FSTL5: variants seen among roughly 807,000 people sequenced by gnomAD.
FSTL5 encodes follistatin-related protein 5.
FSTL5 carries 62 observed loss-of-function variants against 89.1 expected under a neutral mutation model. The observed-to-expected ratio is 0.70, with a 90% confidence interval of 0.57 to 0.86. The LOEUF (loss-of-function observed/expected upper bound fraction) is 0.86, where lower values mean the gene tolerates loss of function less well. Ranked by LOEUF, FSTL5 falls within the 40% of genes least tolerant of loss-of-function variation. The pLI, the probability that FSTL5 is intolerant of heterozygous loss-of-function variation, is 0.00. For missense variants in FSTL5, 1,057 were observed against 1,001.6 expected, an observed-to-expected ratio of 1.06 and a Z score of -0.75; for synonymous variants, 383 against 346.2, an observed-to-expected ratio of 1.11 and a Z score of -1.18.
intron 3 of FSTL5, among the ~76,000 whole-genome samples, chr4:162,010,910 C>T (rs1266163522): frequency 1.3e-5 from 2 of 151,940 alleles, no homozygotes; most frequent in Non-Finnish European, 2.9e-5. Context: ...TTATGTACAA[C>T]TTTTTGTGTG....
At chr4:161,898,630 C>CT (rs773799106) in intron 4 of FSTL5, among the ~76,000 whole-genome samples, 32,933 of 128,146 alleles carry the variant, frequency 0.26, 4,867 homozygotes, top group South Asian at 0.33. Context: ...GTATTATATT[C>CT]TTTTTTTTTT....
At chr4:161,473,277 C>T (rs1734012331) in intron 13 of FSTL5, among the ~76,000 whole-genome samples, 1 of 151,924 alleles carries the variant, frequency 6.6e-6, no homozygotes. Flanking sequence ...TGTAGAACTC[C>T]CTATTTCTCA....
intron 12 of FSTL5, among the ~76,000 whole-genome samples, chr4:161,487,239 A>G (rs750229653): frequency 6.6e-6 from 1 of 152,202 alleles, no homozygotes; most frequent in African/African-American, 2.4e-5. Flanking sequence ...AATATCACTT[A>G]TAATAGCCAA....
intron 2 of FSTL5, among the ~76,000 whole-genome samples, chr4:162,050,214 A>G (rs1738334752): frequency 6.6e-6 from 1 of 151,698 alleles, no homozygotes; most frequent in Non-Finnish European, 1.5e-5. Context: ...GTAGAAGAAT[A>G]AATTCACAAA....
chr4:161,855,705 T>C (rs1402055071), intron 4 of FSTL5, among the ~76,000 whole-genome samples: 2 of 152,140 alleles, frequency 1.3e-5, no homozygotes, highest in African/African-American at 4.8e-5. Flanking sequence ...TGGAGTGTAA[T>C]ACAGTGCTAT....
intron 6 of FSTL5, among the ~76,000 whole-genome samples, chr4:161,748,725 AT>A (rs1227564417): frequency 3.3e-5 from 5 of 151,152 alleles, no homozygotes; most frequent in Non-Finnish European, 7.4e-5. Context: ...CTAAAATAAG[AT>A]TATTTTAAAA....
intron 13 of FSTL5, among the ~76,000 whole-genome samples, chr4:161,461,664 TG>T (rs924522543): frequency 6.6e-6 from 1 of 152,050 alleles, no homozygotes; most frequent in African/African-American, 2.4e-5. Context: ...CTGTTAATTG[TG>T]TTAGAATGCC....
chr4:161,542,194 T>C (rs1439290017), intron 9 of FSTL5, among the ~76,000 whole-genome samples: 1 of 152,036 alleles, frequency 6.6e-6, no homozygotes, highest in Non-Finnish European at 1.5e-5. Context: ...AAAAAGTAAC[T>C]TCAGAAATGA....
chr4:162,080,383 A>C (rs941651141), intron 2 of FSTL5, among the ~76,000 whole-genome samples: 1 of 151,510 alleles, frequency 6.6e-6, no homozygotes, highest in African/African-American at 2.4e-5. Flanking sequence ...GGTTTTAAGA[A>C]GGAGTGTTCC....
intron 12 of FSTL5, among the ~76,000 whole-genome samples, chr4:161,493,151 T>C (rs897809851): frequency 1.3e-5 from 2 of 151,760 alleles, no homozygotes; most frequent in Non-Finnish European, 2.9e-5. Context: ...TTAGAAATGT[T>C]GAGAAAAATA....
chr4:161,971,513 C>A (rs1735482526), intron 3 of FSTL5, among the ~76,000 whole-genome samples: 2 of 152,112 alleles, frequency 1.3e-5, no homozygotes, highest in African/African-American at 4.8e-5. Flanking sequence ...TTGAAATTCT[C>A]CCTTCTGAAG....
At chr4:161,980,165 A>C (rs1735779108) in intron 3 of FSTL5, among the ~76,000 whole-genome samples, 1 of 146,608 alleles carries the variant, frequency 6.8e-6, no homozygotes, top group Admixed American at 6.7e-5. Context: ...TAAAGAAAGA[A>C]AGAAAAAGAA....
intron 15 of FSTL5, among the ~76,000 whole-genome samples, chr4:161,439,757 C>A (rs1005273477): frequency 1.8e-4 from 28 of 152,038 alleles, no homozygotes; most frequent in African/African-American, 6.8e-4. Context: ...GTGTGCCTTT[C>A]TGCAAATATA....
At chr4:161,917,538 T>G (rs185252398) in intron 4 of FSTL5, among the ~76,000 whole-genome samples, 2 of 152,302 alleles carry the variant, frequency 1.3e-5, no homozygotes, top group East Asian at 3.9e-4. Context: ...TTGACTTTAA[T>G]ACTATCCCTG....
At chr4:161,836,991 G>T (rs1029718954) in intron 4 of FSTL5, among the ~76,000 whole-genome samples, 4 of 152,074 alleles carry the variant, frequency 2.6e-5, no homozygotes, top group African/African-American at 9.7e-5. Flanking sequence ...AGACATCTAT[G>T]TGCCATCCAA....
chr4:161,666,392 G>C (rs1264653653), intron 6 of FSTL5, among the ~76,000 whole-genome samples: 1 of 152,084 alleles, frequency 6.6e-6, no homozygotes, highest in African/African-American at 2.4e-5. Flanking sequence ...GAGAATAACT[G>C]TTGAGAAAAA....
intron 8 of FSTL5, among the ~76,000 whole-genome samples, chr4:161,543,924 TC>T (rs1731918691): frequency 6.6e-6 from 1 of 151,914 alleles, no homozygotes; most frequent in African/African-American, 2.4e-5. Flanking sequence ...TTGTAGTGCA[TC>T]AAATGACACT....
chr4:161,623,037 CAAT>C (rs561306655), intron 7 of FSTL5, among the ~76,000 whole-genome samples: 1 of 151,978 alleles, frequency 6.6e-6, no homozygotes, highest in Non-Finnish European at 1.5e-5. Context: ...TAAACTATCT[CAAT>C]AACTGCTGAA....
intron 7 of FSTL5, among the ~76,000 whole-genome samples, chr4:161,635,392 C>T (rs1735652167): frequency 6.6e-6 from 1 of 151,692 alleles, no homozygotes; most frequent in South Asian, 2.1e-4. Context: ...TGTCTCAAAA[C>T]AAACAAACAA....
Sources: allele counts gnomAD v4.1 joint callset (sites outside exome capture counted in the v4.1 genomes callset), GRCh38; gene constraint gnomAD v4.1.1; transcripts MANE v1.5; gene names NCBI Gene and HGNC (gene_info 2026-07-23, HGNC 2026-07-21).